Variants in HNF1A observed in about 807,000 individuals in gnomAD.
The protein encoded by HNF1A is HNF1 homeobox A.
Under a neutral mutation model 62.2 loss-of-function variants are expected in HNF1A, and 21 were observed. That is an observed-to-expected ratio of 0.34 (90% confidence interval 0.24 to 0.49). The LOEUF (loss-of-function observed/expected upper bound fraction) is 0.49. Among genes scored for constraint, HNF1A ranks in the 20% least tolerant of loss-of-function variants. HNF1A has a pLI of 0.99. For synonymous variants in HNF1A, 374 were observed against 366.8 expected (o/e 1.02, Z -0.22); for missense variants, 687 against 832.3 (o/e 0.83, Z 2.15).
chr12:120,984,199 C>A (rs1175963392), intron 1 of HNF1A, among the ~76,000 whole-genome samples: 1 of 152,160 alleles, frequency 6.6e-6, no homozygotes, highest in East Asian at 1.9e-4. Context: ...CGTATCAGCT[C>A]ACTTTAACAG....
chr12:120,992,882 G>A (rs953569381), intron 2 of HNF1A, among the ~76,000 whole-genome samples: 4 of 152,100 alleles, frequency 2.6e-5, no homozygotes, highest in South Asian at 2.1e-4. Context: ...CTGCTGCTGC[G>A]CCCCTGATTC....
rs548481247 is a variant in HNF1A, at chr12:120,980,484, G to T, written c.326+1390G>T. ...CCCCTGACTTGGCAGGAAGAGGAGG[G>T]CAAAGGACTCCAGAGCTGCAGGGGA... On this transcript the variant is annotated intron_variant, in intron 1 of 9. Coordinates refer to ENST00000257555, the MANE Select transcript of HNF1A (RefSeq NM_000545.8). 1.1e-4 allele frequency among the ~76,000 whole-genome samples: 16 copies of T among 152,126 alleles called. No homozygotes were observed. In the East Asian group the frequency reaches 2.5e-3, roughly 24 times the overall value.
chr12:120,998,118 A>G (rs1877212103), intron 7 of HNF1A: 2 of 329,030 alleles, frequency 6.1e-6, no homozygotes, highest in Non-Finnish European at 1.2e-5. Flanking sequence ...CGTCTCTACT[A>G]AAAGTACAAA....
At chr12:120,994,043 C>T in intron 3 of HNF1A, 121 bp from the exon 4 acceptor site, 2 of 1,369,548 alleles carry the variant, frequency 1.5e-6, no homozygotes, top group Admixed American at 4.0e-5. Context: ...GGCATTGGAA[C>T]CCAGATCTGC....
Position 120,999,320 on chromosome 12 carries a change from C to T in HNF1A, c.1554C>T (p.Leu518=). Residue 518 remains leucine, a synonymous_variant, in exon 8 of 10, where the codon CTC becomes CTT. Transcript: ENST00000257555. ...CCCAGTACACCCACACGGGCCTGCT[C>T]CCGCAGACTATGCTCATCACCGACA... ...EVAQYTHTGL[L]PQTMLITDTT... is the part of the protein sequence containing the mutation. 1 of 1,614,030 alleles carries T rather than the reference C, an allele frequency of 6.2e-7. No homozygotes were observed. Among genetic ancestry groups the T allele is most frequent in the Non-Finnish European group, 8.5e-7 (1 of 1,179,978 alleles).
rs140274105 is a variant in HNF1A, at chr12:120,979,415, C to T, written c.326+321C>T. On this transcript the variant is annotated intron_variant, in intron 1 of 9. Coordinates refer to ENST00000257555, the MANE Select transcript of HNF1A (RefSeq NM_000545.8). ...GTTCACAACTCAAATGCCTGGAGAA[C>T]TGGGAGGTGGTGGAAATTTTTAGCC... Among the ~76,000 whole-genome samples the T allele has an allele frequency of 1.5e-4, 23 of 152,324 alleles. No homozygotes were observed. The East Asian group carries it at 4.4e-3, about 29-fold the overall frequency.
chr12:120,994,911 A>G (rs1216100677), intron 4 of HNF1A, among the ~76,000 whole-genome samples: 1 of 148,364 alleles, frequency 6.7e-6, no homozygotes, highest in Non-Finnish European at 1.5e-5. Flanking sequence ...CATCCCATCT[A>G]CTACATTCAA....
intron 6 of HNF1A, chr12:120,997,075 C>G: frequency 7.1e-7 from 1 of 1,410,212 alleles, no homozygotes; most frequent in Non-Finnish European, 9.3e-7. Flanking sequence ...AAAATTAAGC[C>G]CAGAAAGCCC....
Position 120,994,159 on chromosome 12 carries a change from T to G in HNF1A, c.714-5T>G. On this transcript the variant is annotated splice_region_variant and splice_polypyrimidine_tract_variant and intron_variant, in intron 3 of 9. Transcript: ENST00000257555. ...CTGGAGGCTCATGGGTGGCTATTTC[T>G]GCAGGGCGGAATGCATCCAGAGAGG... 1.2e-6 allele frequency: 2 copies of G among 1,612,606 alleles called. No homozygotes were observed. Among genetic ancestry groups the G allele is most frequent in the Non-Finnish European group, 1.7e-6 (2 of 1,179,504 alleles).
At chr12:120,997,443 G>T (rs753128431) in intron 6 of HNF1A, 31 bp from the exon 7 acceptor site, 31 of 1,577,644 alleles carry the variant, frequency 2.0e-5, no homozygotes, top group Non-Finnish European at 2.4e-5. Flanking sequence ...TAACTGGGGG[G>T]CCCAGCTGAT....
At chr12:120,984,669 G>A (rs1372470796) in intron 1 of HNF1A, among the ~76,000 whole-genome samples, 2 of 151,756 alleles carry the variant, frequency 1.3e-5, no homozygotes, top group Non-Finnish European at 2.9e-5. Context: ...AGCAAAGCAG[G>A]GAGATGAAGG....
chr12:120,982,065 T>G (rs1227780569), intron 1 of HNF1A, among the ~76,000 whole-genome samples: 3 of 151,798 alleles, frequency 2.0e-5, no homozygotes, highest in South Asian at 2.1e-4. Flanking sequence ...GTGTTTCTTT[T>G]TTGTTGTTGT....
intron 1 of HNF1A, among the ~76,000 whole-genome samples, chr12:120,986,869 G>A (rs1876536628): frequency 6.6e-6 from 1 of 152,210 alleles, no homozygotes. Flanking sequence ...GATTACAGGT[G>A]TGAGTCACTG....
Position 120,978,728 on chromosome 12 carries a change from C to G in HNF1A, c.-41C>G, listed in dbSNP as rs1450360121. On this transcript the variant is annotated 5_prime_UTR_variant, in exon 1 of 10. Transcript: ENST00000257555. ...CCCACGCGGTGGGGGAGGCGGCTAG[C>G]GTGGTGGACCCGGGCCGCGTGGCCC... 3 of 1,590,426 alleles carry G rather than the reference C, an allele frequency of 1.9e-6. No individual in the cohort carries two copies. The highest frequency in any genetic ancestry group is 2.6e-6 in the Non-Finnish European group (3 of 1,160,480).
Position 120,997,547 on chromosome 12 carries a change from C to G in HNF1A, c.1383C>G (p.Pro461=), listed in dbSNP as rs772756175. 3.1e-6 allele frequency: 5 copies of G among 1,613,556 alleles called. No homozygotes were observed. The highest frequency in any genetic ancestry group is 4.2e-6 in the Non-Finnish European group (5 of 1,180,014). ...GCAGCAGCCTGACCACCCTGCAGCC[C>G]GTCCAGTTCTCCCAGCCGCTGCACC... ...SMGSSLTTLQ[P]VQFSQPLHPS... is the part of the protein sequence containing the mutation. The change falls in exon 7 of 10, where the codon CCC becomes CCG. Residue 461 remains proline (P), a synonymous_variant. Transcript: ENST00000257555.
At chr12:120,983,309 C>T (rs1353065609) in intron 1 of HNF1A, among the ~76,000 whole-genome samples, 1 of 152,130 alleles carries the variant, frequency 6.6e-6, no homozygotes, top group Non-Finnish European at 1.5e-5. Context: ...TACTGTGCAC[C>T]AGGCATTGCC....
intron 1 of HNF1A, among the ~76,000 whole-genome samples, chr12:120,983,522 C>T (rs1196931902): frequency 6.6e-6 from 1 of 151,748 alleles, no homozygotes; most frequent in Non-Finnish European, 1.5e-5. Flanking sequence ...GAGACTTGTC[C>T]TCTTAGTTCT....
chr12:120,985,483 G>GAA (rs111934888), intron 1 of HNF1A, among the ~76,000 whole-genome samples: 1 of 127,064 alleles, frequency 7.9e-6, no homozygotes, highest in African/African-American at 2.9e-5. Context: ...CTGTCTCTAT[G>GAA]AAAAAAAAAA....
chr12:121,001,426 C>T lies in HNF1A; in HGVS notation c.*234C>T. Reference sequence around the variant, plus strand: ...GGGTCGTGGAGAGCTAGGAGCAAAGCCTGTTCATGGCAGATGTAGGAGGGA... The same window carrying T: ...GGGTCGTGGAGAGCTAGGAGCAAAGTCTGTTCATGGCAGATGTAGGAGGGA... On this transcript the variant is annotated 3_prime_UTR_variant, in exon 10 of 10. Transcript: ENST00000257555. 1 of 567,206 alleles carries T rather than the reference C, an allele frequency of 1.8e-6. No individual in the cohort carries two copies. The highest frequency in any genetic ancestry group is 3.2e-6 in the Non-Finnish European group (1 of 315,838). The allele number at this position is 567,206 out of a possible 1,614,324, so 35.1% of individuals were successfully genotyped here. A position where few individuals can be genotyped will look rare whatever the true frequency, so the allele number is the denominator to read the frequency against.
Sources: gnomAD v4.1 joint callset for allele counts (sites outside exome capture counted in the v4.1 genomes callset) on GRCh38, gnomAD v4.1.1 for gene constraint, MANE v1.5 for transcripts, NCBI Gene and HGNC (gene_info 2026-07-23, HGNC 2026-07-21) for gene names.